Variants in ANKRD12 observed in about 807,000 individuals in gnomAD.
ANKRD12 encodes ankyrin repeat domain-containing protein 12.
In ANKRD12, 85 loss-of-function variants were observed where a neutral mutation model predicts 183.4. The observed-to-expected ratio is 0.46, with a 90% CI of 0.39 to 0.56. The LOEUF (loss-of-function observed/expected upper bound fraction) is 0.56, where lower values mean the gene tolerates loss of function less well. Ranked by LOEUF, ANKRD12 falls within the 20% of genes least tolerant of loss-of-function variation. The pLI, the probability that ANKRD12 is intolerant of heterozygous loss-of-function variation, is 0.00. For synonymous variants in ANKRD12, 914 were observed against 800.2 expected (o/e 1.14, Z -2.40); for missense variants, 2,405 against 2,357.1 (o/e 1.02, Z -0.42).
At chr18:9,240,035 T>C (rs904653374) in intron 8 of ANKRD12, among the ~76,000 whole-genome samples, 3 of 152,172 alleles carry the variant, frequency 2.0e-5, no homozygotes, top group Non-Finnish European at 4.4e-5. Flanking sequence ...GGAAAAAATA[T>C]TATGGAAAAA....
intron 9 of ANKRD12, among the ~76,000 whole-genome samples, chr18:9,263,345 T>C (rs1211160470): frequency 6.6e-6 from 1 of 152,232 alleles, no homozygotes; most frequent in East Asian, 1.9e-4. Flanking sequence ...AAGAATTAAA[T>C]GTAACACTCA....
rs2038585658 is a variant in ANKRD12 at position 9,255,921 on chromosome 18, G to A, written c.2654G>A (p.Gly885Asp). The A allele has an allele frequency of 1.3e-6, 2 of 1,589,988 alleles. No individual in the cohort carries two copies. Among genetic ancestry groups the A allele is most frequent in the South Asian group, 1.2e-5 (1 of 84,862 alleles). ...CACACAGAAAAATGCCATAAAGAAG[G>A]TGAGAAGAGCAAAAATACTGCTGCT... is the stretch of plus-strand genomic sequence containing the variant. Reference protein sequence around the residue: ...SHHTEKCHKEGEKSKNTAAIK... With the variant: ...SHHTEKCHKEDEKSKNTAAIK... The change falls in exon 9 of 13, where the codon GGT becomes GAT. Residue 885 changes from glycine (G) to aspartate (D), a missense_variant. By Grantham distance (94) the Gly-to-Asp change is moderately conservative. Transcript: ENST00000262126.
In ANKRD12 at chr18:9,211,734, T is replaced by C; in HGVS notation, c.602T>C (p.Val201Ala). The change falls in exon 6 of 13, where the codon GTT (valine) becomes GCT (alanine). Residue 201 changes from valine (V) to alanine (A), a missense_variant. Physicochemically the swap from Val to Ala is moderately conservative, Grantham distance 64. Around this residue, in one of 7 missense-constraint regions of ANKRD12, gnomAD observed 39 missense variants for 104.8 expected, o/e 0.37. Coordinates refer to ENST00000262126, the MANE Select transcript of ANKRD12 (RefSeq NM_015208.5). Reference protein sequence around the residue: ...MAAIRGDVKQVKELISLGANV... With the variant: ...MAAIRGDVKQAKELISLGANV... ...GCTATTCGAGGAGATGTGAAACAAG[T>C]TAAAGAATTAATAAGTTTAGGGGCA... is the stretch of plus-strand genomic sequence containing the variant. 1 of 1,613,776 alleles carries C rather than the reference T, an allele frequency of 6.2e-7. No individual in the cohort carries two copies. The highest frequency in any genetic ancestry group is 1.3e-5 in the African/African-American group (1 of 75,024).
chr18:9,187,624 ATAGT>A (rs1292067197), intron 2 of ANKRD12, among the ~76,000 whole-genome samples: 1 of 152,202 alleles, frequency 6.6e-6, no homozygotes, highest in Non-Finnish European at 1.5e-5. Flanking sequence ...AAATATTAAA[ATAGT>A]TAGGATTTTG....
Position 9,285,899 on chromosome 18 carries a change from C to T in ANKRD12, c.*4773C>T, listed in dbSNP as rs1429803314. 6.6e-6 allele frequency: 1 copy of T among 152,142 alleles called. No individual in the cohort carries two copies. The highest frequency in any genetic ancestry group is 2.4e-5 in the African/African-American group (1 of 41,434). The allele number at this position is 152,142 out of a possible 1,614,324, so 9.4% of individuals were successfully genotyped here. ...TATTAATGAGTAGTAGTGTATTGTA[C>T]AAATTTGTTTATTCGTTCTCTTGTT... is the stretch of plus-strand genomic sequence containing the variant. On this transcript the variant is annotated 3_prime_UTR_variant, in exon 13 of 13. Coordinates refer to ENST00000262126, the MANE Select transcript of ANKRD12 (RefSeq NM_015208.5).
intron 8 of ANKRD12, among the ~76,000 whole-genome samples, chr18:9,244,377 G>T (rs2037834230): frequency 6.6e-6 from 1 of 151,920 alleles, no homozygotes; most frequent in East Asian, 1.9e-4. Context: ...TTGAGATGAG[G>T]TCTTGCTATA....
chr18:9,210,725 C>CAAAAAAAAAAAAAAAAA (rs71168045), intron 5 of ANKRD12, among the ~76,000 whole-genome samples: 13 of 84,538 alleles, frequency 1.5e-4, no homozygotes, highest in East Asian at 3.5e-4. Flanking sequence ...GACTCTGTCT[C>CAAAAAAAAAAAAAAAAA]AAAAAAAAAA....
At chr18:9,161,091 G>GAA (rs1314061169) in intron 1 of ANKRD12, among the ~76,000 whole-genome samples, 22 of 151,754 alleles carry the variant, frequency 1.4e-4, no homozygotes, top group African/African-American at 5.1e-4. Flanking sequence ...CTCTTGCCTT[G>GAA]GCCTGTGTGT....
chr18:9,255,703 A>G lies in ANKRD12; in HGVS notation c.2436A>G (p.Glu812=), dbSNP rs2038566804. 1 of 1,598,064 alleles carries G rather than the reference A, an allele frequency of 6.3e-7. No homozygotes were observed. The highest frequency in any genetic ancestry group is 8.5e-7 in the Non-Finnish European group (1 of 1,175,932). The change falls in exon 9 of 13, where the codon GAA becomes GAG. Residue 812 remains glutamate (E), a synonymous_variant. Coordinates refer to ENST00000262126, the MANE Select transcript of ANKRD12 (RefSeq NM_015208.5). ...VEKEIDIEKQ[E]KHIKESKEKP... is the part of the protein sequence containing the mutation. ...AGGAAATAGACATTGAAAAACAAGA[A>G]AAGCATATAAAGGAAAGTAAAGAAA...
Position 9,263,893 on chromosome 18 carries a change from GAA to G in ANKRD12, c.5763+7_5763+8del. On this transcript the variant is annotated splice_donor_region_variant and intron_variant, in intron 10 of 12. Coordinates refer to ENST00000262126, the MANE Select transcript of ANKRD12 (RefSeq NM_015208.5). ...TTGCAACACAGTATTGAAAGGGTAA[GAA>G]ATGTTTAAATTTACACTTATGCTAA... The G allele has an allele frequency of 2.1e-6, 3 of 1,439,776 alleles. No homozygotes were observed. 89.2% of individuals were successfully genotyped at this position (1,439,776 alleles called of 1,614,324 possible). A position where few individuals can be genotyped will look rare whatever the true frequency, so the allele number is the denominator to read the frequency against.
chr18:9,141,433 A>G (rs2078311716), intron 1 of ANKRD12, among the ~76,000 whole-genome samples: 2 of 152,246 alleles, frequency 1.3e-5, no homozygotes, highest in South Asian at 2.1e-4. Flanking sequence ...TAGAGCCAGC[A>G]ATAGAAAATC....
At chr18:9,189,462 C>T (rs1189864017) in intron 2 of ANKRD12, among the ~76,000 whole-genome samples, 1 of 152,212 alleles carries the variant, frequency 6.6e-6, no homozygotes, top group East Asian at 1.9e-4. Context: ...CTACAGATTT[C>T]AGTATAGATG....
At chr18:9,232,385 G>T (rs543213684) in intron 8 of ANKRD12, among the ~76,000 whole-genome samples, 41 of 152,296 alleles carry the variant, frequency 2.7e-4, no homozygotes, top group African/African-American at 9.4e-4. Flanking sequence ...GGATAATTTT[G>T]TTGGATGTAG....
In ANKRD12 at chr18:9,281,752, C is replaced by T. The variant is rs544902272; in HGVS notation, c.*626C>T. 11 of 152,634 alleles carry T rather than the reference C, an allele frequency of 7.2e-5. No individual in the cohort carries two copies. Among genetic ancestry groups the T allele is most frequent in the African/African-American group, 2.4e-4 (10 of 41,526 alleles). 9.5% of individuals were successfully genotyped at this position (152,634 alleles called of 1,614,324 possible). A position where few individuals can be genotyped will look rare whatever the true frequency, so the allele number is the denominator to read the frequency against. Reference sequence around the variant, plus strand: ...AGAAATACCTGTAAAACTGTTTTGTCTCATGTTTTATTGGACCAAAGTTGT... The same window carrying T: ...AGAAATACCTGTAAAACTGTTTTGTTTCATGTTTTATTGGACCAAAGTTGT... On this transcript the variant is annotated 3_prime_UTR_variant, in exon 13 of 13. Coordinates refer to ENST00000262126, the MANE Select transcript of ANKRD12 (RefSeq NM_015208.5).
chr18:9,190,763 A>T (rs560212593), intron 2 of ANKRD12, among the ~76,000 whole-genome samples: 1 of 152,338 alleles, frequency 6.6e-6, no homozygotes, highest in South Asian at 2.1e-4. Context: ...TATATTTAGT[A>T]CTTTAAAATT....
chr18:9,269,511 C>A (rs1478369004), intron 10 of ANKRD12, among the ~76,000 whole-genome samples: 1 of 152,162 alleles, frequency 6.6e-6, no homozygotes, highest in Non-Finnish European at 1.5e-5. Flanking sequence ...CAAAAACAAA[C>A]AATGGGGAAA....
intron 6 of ANKRD12, among the ~76,000 whole-genome samples, chr18:9,214,186 G>A (rs937844126): frequency 1.2e-4 from 18 of 151,962 alleles, no homozygotes; most frequent in African/African-American, 4.3e-4. Context: ...CATTATAAGT[G>A]CATAAAAGAT....
rs2040179473 is a variant in ANKRD12, at chr18:9,284,416, TTAAAACA to T, written c.*3296_*3302del. 6.6e-6 allele frequency: 1 copy of T among 152,178 alleles called. No individual in the cohort carries two copies. Among genetic ancestry groups the T allele is most frequent in the Non-Finnish European group, 1.5e-5 (1 of 68,032 alleles). 9.4% of individuals were successfully genotyped at this position (152,178 alleles called of 1,614,324 possible). A position where few individuals can be genotyped will look rare whatever the true frequency, so the allele number is the denominator to read the frequency against. ...AAAGAAAATTATTGTCTCTGATATC[TTAAAACA>T]TAAAAACCCAAAATTTTATATAGAA... On this transcript the variant is annotated 3_prime_UTR_variant, in exon 13 of 13. Transcript: ENST00000262126.
chr18:9,276,617 G>T (rs552304503), intron 11 of ANKRD12, among the ~76,000 whole-genome samples: 2 of 152,142 alleles, frequency 1.3e-5, no homozygotes, highest in African/African-American at 4.8e-5. Context: ...GGGAGGCTGA[G>T]GTAGGAGGAT....
Sources: gnomAD v4.1 joint callset for allele counts (sites outside exome capture counted in the v4.1 genomes callset) on GRCh38, gnomAD v4.1.1 for gene constraint, gnomAD v4.1.1 regional missense constraint, MANE v1.5 for transcripts, NCBI Gene and HGNC (gene_info 2026-07-23, HGNC 2026-07-21) for gene names.